PLA2G4C: variants seen among roughly 807,000 people sequenced by gnomAD.
PLA2G4C encodes cytosolic phospholipase A2 gamma.
PLA2G4C carries 64 observed loss-of-function variants against 73.8 expected under a neutral mutation model. The observed-to-expected ratio is 0.87, with a 90% CI of 0.71 to 1.07. The LOEUF (loss-of-function observed/expected upper bound fraction) is 1.07, where lower values mean the gene tolerates loss of function less well. Among genes scored for constraint, PLA2G4C ranks in the 50% least tolerant of loss-of-function variants. The pLI, the probability that PLA2G4C is intolerant of heterozygous loss-of-function variation, is 0.00. For synonymous variants in PLA2G4C, 254 were observed against 252.1 expected (o/e 1.01, Z -0.07); for missense variants, 622 against 665.4 (o/e 0.93, Z 0.72).
chr19:48,058,429 T>C (rs2386977), intron 14 of PLA2G4C, among the ~76,000 whole-genome samples: 129,792 of 152,132 alleles, frequency 0.85, 55,567 homozygotes, highest in African/African-American at 0.93. Flanking sequence ...TGAGCCACCG[T>C]ACCCAGCCAC....
At chr19:48,077,907 CT>C in intron 10 of PLA2G4C, 83 bp from the exon 11 acceptor site, 1 of 1,143,480 alleles carries the variant, frequency 8.7e-7, no homozygotes, top group South Asian at 1.4e-5. Flanking sequence ...AGCGACGTCT[CT>C]TTAATAGAAA....
At chr19:48,050,692 T>TTTTTTTTTTTTTTTTTG (rs1967693959) in intron 16 of PLA2G4C, among the ~76,000 whole-genome samples, 2 of 146,326 alleles carry the variant, frequency 1.4e-5, no homozygotes, top group Admixed American at 7.0e-5. Flanking sequence ...TTTTTTTTTT[T>TTTTTTTTTTTTTTTTTG]GAGACAGGGT....
At chr19:48,088,835 A>T in intron 8 of PLA2G4C, 123 bp from the exon 9 acceptor site, 3 of 755,330 alleles carry the variant, frequency 4.0e-6, no homozygotes, top group Non-Finnish European at 7.0e-6. Flanking sequence ...ATGGGCTCCA[A>T]TGGCAGCCAA....
chr19:48,083,392 C>CTTTTTTTTTTTTTTTTTTTTTTT, intron 10 of PLA2G4C, among the ~76,000 whole-genome samples: 1 of 105,838 alleles, frequency 9.4e-6, no homozygotes, highest in African/African-American at 3.6e-5. Context: ...ATTTTCTTTT[C>CTTTTTTTTTTTTTTTTTTTTTTT]TTTTTTTTTT....
At chr19:48,065,331 G>A (rs1012855277) in intron 13 of PLA2G4C, among the ~76,000 whole-genome samples, 1 of 152,018 alleles carries the variant, frequency 6.6e-6, no homozygotes, top group African/African-American at 2.4e-5. Context: ...TTGACGGTTG[G>A]GCACAGTGGC....
At chr19:48,074,707 AG>A in intron 12 of PLA2G4C, 59 bp downstream of exon 12, 3 of 1,130,258 alleles carry the variant, frequency 2.7e-6, no homozygotes, top group East Asian at 2.4e-5. Flanking sequence ...GAAGAGCAAG[AG>A]GGGGGAGAAG....
At chr19:48,079,105 T>C (rs1205758408) in intron 10 of PLA2G4C, among the ~76,000 whole-genome samples, 1 of 152,072 alleles carries the variant, frequency 6.6e-6, no homozygotes, top group Non-Finnish European at 1.5e-5. Flanking sequence ...TGACCTCAGG[T>C]GATCCACCCG....
intron 11 of PLA2G4C, among the ~76,000 whole-genome samples, chr19:48,077,441 T>C (rs566204012): frequency 5.1e-4 from 78 of 152,152 alleles, no homozygotes; most frequent in Non-Finnish European, 9.6e-4. Context: ...AAAGAAATCA[T>C]AGATGACACA....
At chr19:48,058,620 C>T (rs1051209848) in intron 14 of PLA2G4C, among the ~76,000 whole-genome samples, 4 of 152,026 alleles carry the variant, frequency 2.6e-5, no homozygotes, top group Non-Finnish European at 5.9e-5. Context: ...GAGTTCAAGA[C>T]CAGCCTGGCC....
At chr19:48,076,794 C>T (rs139294256) in intron 11 of PLA2G4C, among the ~76,000 whole-genome samples, 1 of 152,090 alleles carries the variant, frequency 6.6e-6, no homozygotes, top group Non-Finnish European at 1.5e-5. Flanking sequence ...ACGCAAACAG[C>T]TTGGATGCCT....
chr19:48,090,739 G>A, intron 7 of PLA2G4C: 1 of 323,634 alleles, frequency 3.1e-6, no homozygotes, highest in Non-Finnish European at 5.8e-6. Context: ...TCAGCACACA[G>A]GCAGGAAGGG....
intron 10 of PLA2G4C, among the ~76,000 whole-genome samples, chr19:48,082,815 CT>C (rs936169612): frequency 1.3e-3 from 157 of 120,478 alleles, no homozygotes; most frequent in East Asian, 9.1e-3. Flanking sequence ...TTCTTTCTTT[CT>C]TTTTTTTTTT....
At chr19:48,058,252 T>G (rs1381331033) in intron 14 of PLA2G4C, among the ~76,000 whole-genome samples, 1 of 151,682 alleles carries the variant, frequency 6.6e-6, no homozygotes, top group Admixed American at 6.6e-5. Flanking sequence ...CAAGCCGATA[T>G]CGTGCCATTG....
chr19:48,061,898 T>C (rs769160872), intron 14 of PLA2G4C, 100 bp downstream of exon 14: 21 of 1,246,108 alleles, frequency 1.7e-5, no homozygotes, highest in Non-Finnish European at 2.3e-5. Context: ...CACCTCCCCA[T>C]TGCCCGCTTC....
Position 48,088,802 on chromosome 19 carries a change from T to A in PLA2G4C, c.764-90A>T. 3.0e-6 allele frequency: 3 copies of A among 1,005,496 alleles called. No individual in the cohort carries two copies. The South Asian group carries it at 4.0e-5, about 13-fold the overall frequency. 62.3% of individuals were successfully genotyped at this position (1,005,496 alleles called of 1,614,324 possible). A position where few individuals can be genotyped will look rare whatever the true frequency, so the allele number is the denominator to read the frequency against. On this transcript the variant is annotated intron_variant, in intron 8 of 16. Coordinates refer to ENST00000599921, the MANE Select transcript of PLA2G4C (RefSeq NM_003706.3). Reference sequence around the variant, plus strand: ...AAAATACAGATGACCTGCAGGGATATTTCATTAATAGAAATGGCAGCCATG... The same window carrying A: ...AAAATACAGATGACCTGCAGGGATAATTCATTAATAGAAATGGCAGCCATG...
At chr19:48,097,776 T>C (rs571769432) in intron 6 of PLA2G4C, 1 of 185,094 alleles carries the variant, frequency 5.4e-6, no homozygotes, top group Non-Finnish European at 1.1e-5. Flanking sequence ...TTTTTTGTTT[T>C]GTTTTGTTTT....
chr19:48,098,414 C>T (rs1161078469), intron 5 of PLA2G4C, among the ~76,000 whole-genome samples, 155 bp from the exon 6 acceptor site: 1 of 151,628 alleles, frequency 6.6e-6, no homozygotes, highest in African/African-American at 2.4e-5. Flanking sequence ...CAGCCTCAAC[C>T]TCCTGGGCTC....
At position 48,077,842 on chromosome 19, in the gene PLA2G4C, C is replaced by A. The variant is rs1269868064; in HGVS notation, c.845-18G>T. ...TAATCGGGCTGCAAAAGAGCAGAGGCAGGGGGAATGTTTAACTGTAAAGTC... is the reference window on the plus strand; with the variant it reads ...TAATCGGGCTGCAAAAGAGCAGAGGAAGGGGGAATGTTTAACTGTAAAGTC... On this transcript the variant is annotated intron_variant, in intron 10 of 16. Transcript: ENST00000599921. 1 of 1,599,470 alleles carries A rather than the reference C, an allele frequency of 6.3e-7. No individual in the cohort carries two copies. Among genetic ancestry groups the A allele is most frequent in the Non-Finnish European group, 8.5e-7 (1 of 1,172,722 alleles).
At chr19:48,067,399 C>G (rs1439285986) in intron 13 of PLA2G4C, among the ~76,000 whole-genome samples, 1 of 152,046 alleles carries the variant, frequency 6.6e-6, no homozygotes. Context: ...AACTCCTGAC[C>G]TCAAGTGATC....
Sources: gnomAD v4.1 joint callset for allele counts (sites outside exome capture counted in the v4.1 genomes callset) on GRCh38, gnomAD v4.1.1 for gene constraint, MANE v1.5 for transcripts, NCBI Gene and HGNC (gene_info 2026-07-23, HGNC 2026-07-21) for gene names.